The following CYRIB variants were observed in gnomAD, a reference collection of about 807,000 sequenced individuals.
CYRIB encodes the protein CYFIP-related Rac1 interactor B.
CYRIB carries 8 observed loss-of-function variants against 44.2 expected under a neutral mutation model. The ratio of observed to expected loss-of-function variants is 0.18; its 90% CI spans 0.11 to 0.33. CYRIB has a LOEUF of 0.33. CYRIB is among the 10% of genes least tolerant of loss of function. The pLI is 1.00. For synonymous variants in CYRIB, 131 were observed against 127.2 expected, an observed-to-expected ratio of 1.03 and a Z score of -0.20; for missense variants, 185 against 382.8, an observed-to-expected ratio of 0.48 and a Z score of 4.31.
At chr8:129,925,227 G>T (rs577150363) in intron 1 of CYRIB, among the ~76,000 whole-genome samples, 12 of 152,022 alleles carry the variant, frequency 7.9e-5, no homozygotes, top group African/African-American at 2.7e-4. Context: ...GTGAAACCCC[G>T]CCTCTACTAA....
intron 1 of CYRIB, among the ~76,000 whole-genome samples, chr8:130,011,422 G>A (rs972916382): frequency 2.6e-5 from 4 of 152,118 alleles, no homozygotes; most frequent in African/African-American, 9.7e-5. Context: ...TCGGGAGGCT[G>A]GGGCAGGAGA....
At chr8:129,911,296 G>C (rs909969969) in intron 1 of CYRIB, among the ~76,000 whole-genome samples, 3 of 152,142 alleles carry the variant, frequency 2.0e-5, no homozygotes, top group African/African-American at 7.2e-5. Context: ...TAAGTAGTTT[G>C]TCCAAGGTCA....
intron 1 of CYRIB, among the ~76,000 whole-genome samples, chr8:129,999,021 G>A (rs1257352978): frequency 6.6e-6 from 1 of 152,054 alleles, no homozygotes; most frequent in Non-Finnish European, 1.5e-5. Flanking sequence ...GCTCAAACTT[G>A]GCAAAACGCT....
At chr8:130,007,203 T>C (rs755835600) in intron 1 of CYRIB, among the ~76,000 whole-genome samples, 20 of 152,170 alleles carry the variant, frequency 1.3e-4, no homozygotes, top group Non-Finnish European at 2.8e-4. Context: ...CCCGCCGTTA[T>C]GAGATGCCCA....
intron 10 of CYRIB, among the ~76,000 whole-genome samples, chr8:129,848,338 A>C (rs2041426286): frequency 6.6e-6 from 1 of 152,238 alleles, no homozygotes; most frequent in Non-Finnish European, 1.5e-5. Flanking sequence ...CTAAGAGCCT[A>C]AACTAGCTAT....
intron 1 of CYRIB, among the ~76,000 whole-genome samples, chr8:129,983,943 AGAAGCCAGCCTCTGATTG>A (rs1274785423): frequency 6.6e-6 from 1 of 152,238 alleles, no homozygotes; most frequent in East Asian, 1.9e-4. Context: ...AGGTCCTAGG[AGAAGCCAGCCTCTGATTG>A]GAATCAACCG....
intron 1 of CYRIB, among the ~76,000 whole-genome samples, chr8:129,916,562 G>C (rs115110011): frequency 6.6e-6 from 1 of 152,158 alleles, no homozygotes; most frequent in African/African-American, 2.4e-5. Flanking sequence ...GCCCATTCCA[G>C]TACTGAAATC....
chr8:129,971,734 C>T (rs916610713), intron 1 of CYRIB, among the ~76,000 whole-genome samples: 2 of 152,194 alleles, frequency 1.3e-5, no homozygotes, highest in African/African-American at 2.4e-5. Context: ...CGGTCTTAGT[C>T]ATTCTGTCCC....
At chr8:129,928,908 T>A (rs902866954) in intron 1 of CYRIB, among the ~76,000 whole-genome samples, 1 of 152,188 alleles carries the variant, frequency 6.6e-6, no homozygotes, top group Non-Finnish European at 1.5e-5. Context: ...ATTATATAAG[T>A]TTTCCATATG....
At chr8:130,010,520 C>T (rs1174900546) in intron 1 of CYRIB, among the ~76,000 whole-genome samples, 3 of 152,196 alleles carry the variant, frequency 2.0e-5, no homozygotes, top group African/African-American at 7.2e-5. Context: ...TCAGCTCACA[C>T]TGCCTCTCCT....
intron 11 of CYRIB, among the ~76,000 whole-genome samples, chr8:129,844,750 C>A (rs2038805417): frequency 6.6e-6 from 1 of 152,160 alleles, no homozygotes; most frequent in Non-Finnish European, 1.5e-5. Context: ...TCTTTAAGTT[C>A]TATTTTGTGG....
intron 2 of CYRIB, among the ~76,000 whole-genome samples, chr8:129,950,457 C>G (rs531272444): frequency 6.6e-6 from 1 of 152,062 alleles, no homozygotes; most frequent in Non-Finnish European, 1.5e-5. Context: ...GTAATCTCAG[C>G]TACTTGCGAG....
At chr8:129,942,384 G>A (rs968688076), upstream of CYRIB, among the ~76,000 whole-genome samples, 1 of 152,076 alleles carries the variant, frequency 6.6e-6, no homozygotes, top group South Asian at 2.1e-4. Context: ...TGAGGAACAC[G>A]GAATACCCCT....
intron 4 of CYRIB, among the ~76,000 whole-genome samples, chr8:129,869,886 TC>T (rs772284991): frequency 1.0e-4 from 15 of 145,024 alleles, no homozygotes; most frequent in African/African-American, 2.6e-4. Flanking sequence ...ATGTTTTACC[TC>T]CCCCCCGCCC....
chr8:129,890,913 A>G (rs2065097131), intron 2 of CYRIB, among the ~76,000 whole-genome samples: 1 of 152,120 alleles, frequency 6.6e-6, no homozygotes, highest in Non-Finnish European at 1.5e-5. Context: ...ATTTAAAAAA[A>G]AAAAGAAAAA....
At chr8:129,966,612 T>TA (rs1462042483) in intron 2 of CYRIB, among the ~76,000 whole-genome samples, 1 of 152,134 alleles carries the variant, frequency 6.6e-6, no homozygotes, top group Non-Finnish European at 1.5e-5. Flanking sequence ...CCTGTAATCC[T>TA]AGCACTTTGG....
chr8:129,919,842 A>G (rs944155846), intron 1 of CYRIB, among the ~76,000 whole-genome samples: 2 of 152,208 alleles, frequency 1.3e-5, no homozygotes, highest in Non-Finnish European at 2.9e-5. Context: ...TAAAATCCTT[A>G]AGAAAAAGGC....
intron 1 of CYRIB, among the ~76,000 whole-genome samples, chr8:129,972,710 C>T (rs962070488): frequency 1.3e-5 from 2 of 152,024 alleles, no homozygotes; most frequent in Admixed American, 1.3e-4. Flanking sequence ...ACACACATCC[C>T]ATGCACACAC....
chr8:129,846,064 C>T (rs527716635), intron 11 of CYRIB, among the ~76,000 whole-genome samples: 49 of 152,172 alleles, frequency 3.2e-4, no homozygotes, highest in Admixed American at 1.3e-3. Context: ...CCTGGGAGGC[C>T]GAGGTTCCAA....
Sources: gnomAD v4.1 joint callset for allele counts (sites outside exome capture counted in the v4.1 genomes callset) on GRCh38, gnomAD v4.1.1 for gene constraint, MANE v1.5 for transcripts, NCBI Gene and HGNC (gene_info 2026-07-23, HGNC 2026-07-21) for gene names.